Variants in EXOC6 observed in about 807,000 individuals in gnomAD.
The protein encoded by EXOC6 is SEC15-like 1.
In EXOC6, 60 loss-of-function variants were observed where a neutral mutation model predicts 112.5. The ratio of observed to expected loss-of-function variants is 0.53; its 90% CI spans 0.43 to 0.66. The LOEUF (loss-of-function observed/expected upper bound fraction) is 0.66, where lower values mean the gene tolerates loss of function less well. Ranked by LOEUF, EXOC6 falls within the 30% of genes least tolerant of loss-of-function variation. The pLI, the probability that EXOC6 is intolerant of heterozygous loss-of-function variation, is 0.00. For missense variants in EXOC6, 855 were observed against 957.1 expected (o/e 0.89, Z 1.41); for synonymous variants, 295 against 308.0 (o/e 0.96, Z 0.44).
At chr10:92,870,313 A>G (rs996807708) in intron 1 of EXOC6, among the ~76,000 whole-genome samples, 2 of 152,166 alleles carry the variant, frequency 1.3e-5, no homozygotes, top group African/African-American at 2.4e-5. Context: ...GTATTCACCA[A>G]TACTGCTTTT....
chr10:92,835,640 A>C lies in EXOC6; in HGVS notation c.86+816A>C, dbSNP rs1299055286. Among the ~76,000 whole-genome samples the C allele has an allele frequency of 2.0e-5, 3 of 152,132 alleles. 1 individual carries two copies. The highest frequency in any genetic ancestry group is 2.0e-4 in the Admixed American group (3 of 15,268). On this transcript the variant is annotated intron_variant, in intron 1 of 21. Coordinates refer to the EXOC6 transcript ENST00000371552. ...ACCTCTTCATTCTCAGAAAGACCCC[A>C]GGGCCAAGAGCTTCTAAATCCACTA...
chr10:93,020,280 A>G (rs1234476932), intron 20 of EXOC6, among the ~76,000 whole-genome samples: 1 of 152,194 alleles, frequency 6.6e-6, no homozygotes, highest in African/African-American at 2.4e-5. Flanking sequence ...CCCTAAAGCT[A>G]GAACTTAATA....
intron 1 of EXOC6, among the ~76,000 whole-genome samples, chr10:92,889,380 A>T (rs1849381699): frequency 6.6e-6 from 1 of 152,182 alleles, no homozygotes. Context: ...GATTTCCCAT[A>T]TATTCCCTAT....
At chr10:92,900,863 C>T (rs2133842719) in intron 5 of EXOC6, 1 of 152,150 alleles carries the variant, frequency 6.6e-6, no homozygotes, top group East Asian at 1.9e-4. Flanking sequence ...AATATTTATA[C>T]TCACATTTTC....
intron 20 of EXOC6, among the ~76,000 whole-genome samples, chr10:93,020,064 G>A (rs1319730311): frequency 6.6e-6 from 1 of 151,936 alleles, no homozygotes; most frequent in Non-Finnish European, 1.5e-5. Flanking sequence ...TTTTTTAAAA[G>A]GGGGACTAGA....
intron 18 of EXOC6, among the ~76,000 whole-genome samples, chr10:92,980,335 A>G (rs1223442997): frequency 6.6e-6 from 1 of 152,230 alleles, no homozygotes. Context: ...GGACTGTCAT[A>G]AAATGAATGA....
At chr10:92,930,616 T>G (rs1003102042) in intron 9 of EXOC6, among the ~76,000 whole-genome samples, 1 of 152,088 alleles carries the variant, frequency 6.6e-6, no homozygotes, top group African/African-American at 2.4e-5. Flanking sequence ...ATTGACTCAC[T>G]TCTTTCAACA....
intron 16 of EXOC6, among the ~76,000 whole-genome samples, 174 bp from the exon 17 acceptor site, chr10:92,955,406 A>G (rs1252313060): frequency 6.6e-6 from 1 of 151,850 alleles, no homozygotes; most frequent in Non-Finnish European, 1.5e-5. Flanking sequence ...ATATATATAT[A>G]AATTCATACG....
At chr10:92,919,269 T>G (rs1851292963) in intron 7 of EXOC6, among the ~76,000 whole-genome samples, 1 of 152,108 alleles carries the variant, frequency 6.6e-6, no homozygotes, top group South Asian at 2.1e-4. Flanking sequence ...TATACTGCAC[T>G]ACATTTTGTT....
At chr10:92,926,051 T>TAA (rs200071907) in intron 8 of EXOC6, among the ~76,000 whole-genome samples, 2 of 132,296 alleles carry the variant, frequency 1.5e-5, no homozygotes, top group Non-Finnish European at 3.2e-5. Flanking sequence ...GGTGGACTTT[T>TAA]TAAAAAAAAA....
At chr10:92,894,192 G>A (rs758140721) in intron 2 of EXOC6, among the ~76,000 whole-genome samples, 1 of 152,154 alleles carries the variant, frequency 6.6e-6, no homozygotes, top group Admixed American at 6.5e-5. Context: ...CATCAATGAG[G>A]TCACTGAGCA....
At chr10:92,943,186 T>C (rs1852770202) in intron 13 of EXOC6, among the ~76,000 whole-genome samples, 1 of 151,938 alleles carries the variant, frequency 6.6e-6, no homozygotes, top group African/African-American at 2.4e-5. Flanking sequence ...GCCCGGCTAA[T>C]TTTTTGTACT....
intron 20 of EXOC6, among the ~76,000 whole-genome samples, chr10:93,026,594 G>A (rs116876382): frequency 0.014 from 2,187 of 152,200 alleles, 25 homozygotes; most frequent in Non-Finnish European, 0.024. Flanking sequence ...ACAGCATATG[G>A]TCACTTAGTA....
At chr10:93,039,021 A>G (rs1010529119) in intron 20 of EXOC6, among the ~76,000 whole-genome samples, 2 of 152,082 alleles carry the variant, frequency 1.3e-5, no homozygotes, top group Non-Finnish European at 2.9e-5. Context: ...ATATATATAT[A>G]CCATCTATTA....
At chr10:92,955,043 A>G (rs1021966231) in intron 16 of EXOC6, among the ~76,000 whole-genome samples, 4 of 152,030 alleles carry the variant, frequency 2.6e-5, no homozygotes, top group African/African-American at 9.7e-5. Context: ...AATGAAGACT[A>G]TTAGCCAGGC....
At chr10:92,931,412 A>G (rs1267626083) in intron 9 of EXOC6, among the ~76,000 whole-genome samples, 3 of 151,312 alleles carry the variant, frequency 2.0e-5, no homozygotes, top group Admixed American at 2.0e-4. Flanking sequence ...ACATATAATA[A>G]TTGTACATAT....
intron 5 of EXOC6, chr10:92,901,278 GT>G (rs1208842129): frequency 6.6e-6 from 1 of 152,046 alleles, no homozygotes; most frequent in Non-Finnish European, 1.5e-5. Flanking sequence ...TCACCCAGTA[GT>G]TTTATCATTC....
At chr10:93,014,930 C>G (rs909486168) in intron 20 of EXOC6, among the ~76,000 whole-genome samples, 1 of 151,566 alleles carries the variant, frequency 6.6e-6, no homozygotes, top group Non-Finnish European at 1.5e-5. Flanking sequence ...TTTTCCTCCT[C>G]TTTTCTCTTC....
chr10:92,984,217 A>AT (rs1364906006), intron 18 of EXOC6, among the ~76,000 whole-genome samples: 4 of 152,164 alleles, frequency 2.6e-5, no homozygotes, highest in African/African-American at 9.7e-5. Context: ...GGCCAAATAG[A>AT]TTTTTTAAAA....
Sources: gnomAD v4.1 joint callset for allele counts (sites outside exome capture counted in the v4.1 genomes callset) on GRCh38, gnomAD v4.1.1 for gene constraint, MANE v1.5 for transcripts, NCBI Gene and HGNC (gene_info 2026-07-23, HGNC 2026-07-21) for gene names.